UQCC1: variants seen among roughly 807,000 people sequenced by gnomAD.
UQCC1 encodes the protein bFGF-repressed Zic-binding protein.
UQCC1 carries 38 observed loss-of-function variants against 48.0 expected under a neutral mutation model. The ratio of observed to expected loss-of-function variants is 0.79; its 90% CI spans 0.61 to 1.04. The LOEUF (loss-of-function observed/expected upper bound fraction) is 1.04. UQCC1 is among the 50% of genes least tolerant of loss of function. The pLI is 0.00. For missense variants in UQCC1, 368 were observed against 381.8 expected (o/e 0.96, Z 0.30); for synonymous variants, 111 against 129.2 (o/e 0.86, Z 0.95).
chr20:35,385,539 T>C (rs1653039806), intron 2 of UQCC1, among the ~76,000 whole-genome samples: 1 of 152,196 alleles, frequency 6.6e-6, no homozygotes. Flanking sequence ...TCTGGCTCTA[T>C]GGCCCAGGCT....
At chr20:35,392,203 T>G (rs1302526972) in intron 2 of UQCC1, 1 of 1,298,446 alleles carries the variant, frequency 7.7e-7, no homozygotes, top group Non-Finnish European at 1.0e-6. Flanking sequence ...TTTCTCATTC[T>G]GAGCCAAATC....
chr20:35,378,789 G>A (rs1409160232), intron 4 of UQCC1, among the ~76,000 whole-genome samples: 1 of 152,106 alleles, frequency 6.6e-6, no homozygotes, highest in Non-Finnish European at 1.5e-5. Context: ...CCCACCTGAG[G>A]ACAATTCTTG....
intron 1 of UQCC1, among the ~76,000 whole-genome samples, chr20:35,409,828 CAG>C (rs1457607615): frequency 1.3e-5 from 2 of 150,784 alleles, no homozygotes; most frequent in Non-Finnish European, 3.0e-5. Context: ...TTTTTTCAGA[CAG>C]AGTTTCACTC....
chr20:35,319,714 C>T (rs1600865908), intron 7 of UQCC1, among the ~76,000 whole-genome samples: 1 of 152,074 alleles, frequency 6.6e-6, no homozygotes, highest in Non-Finnish European at 1.5e-5. Flanking sequence ...ATGAGACAAC[C>T]AACAGAGAAC....
intron 7 of UQCC1, among the ~76,000 whole-genome samples, chr20:35,326,268 C>T (rs114649745): frequency 0.013 from 1,963 of 152,212 alleles, 34 homozygotes; most frequent in African/African-American, 0.045. Flanking sequence ...AAGGGGAGGC[C>T]ATGACTTGCA....
chr20:35,312,038 A>G (rs759343953), intron 8 of UQCC1, among the ~76,000 whole-genome samples: 14 of 152,110 alleles, frequency 9.2e-5, no homozygotes, highest in African/African-American at 2.7e-4. Flanking sequence ...AACAAACACA[A>G]TTCGGTACAT....
At chr20:35,337,715 G>C (rs1019593600) in intron 7 of UQCC1, among the ~76,000 whole-genome samples, 1 of 152,148 alleles carries the variant, frequency 6.6e-6, no homozygotes, top group African/African-American at 2.4e-5. Context: ...GGAGGCCTTG[G>C]AGGCTGAGTA....
intron 7 of UQCC1, chr20:35,344,388 C>G (rs1046137021): frequency 6.6e-6 from 1 of 152,360 alleles, no homozygotes; most frequent in African/African-American, 2.4e-5. Flanking sequence ...GCTCATTAAG[C>G]TATTCAGGAT....
In UQCC1 at chr20:35,394,216, A is replaced by G; in HGVS notation, c.25-20T>C. 1 of 1,594,402 alleles carries G rather than the reference A, an allele frequency of 6.3e-7. No individual in the cohort carries two copies. The highest frequency in any genetic ancestry group is 1.3e-5 in the African/African-American group (1 of 74,526). ...GTTCCTCTAAAGAAAGAAAATAATAATCTGTCAGGAATCTAAATCATACTC... is the reference window on the plus strand; with the variant it reads ...GTTCCTCTAAAGAAAGAAAATAATAGTCTGTCAGGAATCTAAATCATACTC... On this transcript the variant is annotated intron_variant, in intron 1 of 9. Coordinates refer to ENST00000374385, the MANE Select transcript of UQCC1 (RefSeq NM_018244.5).
chr20:35,303,626 GA>G lies in UQCC1; in HGVS notation c.*308del. 1 of 337,602 alleles carries G rather than the reference GA, an allele frequency of 3.0e-6. No homozygotes were observed. The highest frequency in any genetic ancestry group is 5.6e-6 in the Non-Finnish European group (1 of 178,532). 20.9% of individuals were successfully genotyped at this position (337,602 alleles called of 1,614,324 possible). A position where few individuals can be genotyped will look rare whatever the true frequency, so the allele number is the denominator to read the frequency against. On this transcript the variant is annotated 3_prime_UTR_variant, in exon 10 of 10. Transcript: ENST00000374385. Reference sequence around the variant, plus strand: ...ACACCATCCCTTCCTTGGCCTTTGGGAAAAGCTATCAGTCACATGTAGTTGC... The same window carrying G: ...ACACCATCCCTTCCTTGGCCTTTGGGAAAGCTATCAGTCACATGTAGTTGC...
intron 6 of UQCC1, among the ~76,000 whole-genome samples, chr20:35,365,304 C>T (rs761341094): frequency 6.6e-6 from 1 of 152,276 alleles, no homozygotes; most frequent in Non-Finnish European, 1.5e-5. Context: ...GAACTATTCC[C>T]TAGTTCCCAC....
intron 6 of UQCC1, among the ~76,000 whole-genome samples, chr20:35,356,562 C>T (rs1455797398): frequency 6.9e-6 from 1 of 145,060 alleles, no homozygotes; most frequent in Admixed American, 6.6e-5. Flanking sequence ...CTAATTTTTA[C>T]AACAACTCCA....
At chr20:35,403,023 C>T (rs868232948) in intron 1 of UQCC1, among the ~76,000 whole-genome samples, 47 of 151,186 alleles carry the variant, frequency 3.1e-4, no homozygotes, top group African/African-American at 1.1e-3. Flanking sequence ...CCTGAGATCG[C>T]GCCATTGCAC....
intron 8 of UQCC1, among the ~76,000 whole-genome samples, chr20:35,310,644 CAAAAAA>C (rs1199768843): frequency 2.3e-5 from 1 of 44,150 alleles, no homozygotes; most frequent in Non-Finnish European, 4.0e-5. Context: ...GACTCTGTCT[CAAAAAA>C]AAAAAAAAAA....
chr20:35,385,507 GTTTTTGTT>G (rs1323673050), intron 2 of UQCC1, among the ~76,000 whole-genome samples: 1 of 152,020 alleles, frequency 6.6e-6, no homozygotes, highest in Non-Finnish European at 1.5e-5. Context: ...TTGTTGTTTT[GTTTTTGTT>G]TTTTGAGACA....
At chr20:35,318,004 G>C (rs1456422666) in intron 7 of UQCC1, among the ~76,000 whole-genome samples, 2 of 152,160 alleles carry the variant, frequency 1.3e-5, no homozygotes, top group African/African-American at 4.8e-5. Context: ...CTACAACTCA[G>C]ACCTCCTGAT....
chr20:35,376,606 C>T (rs1046234036), intron 4 of UQCC1, among the ~76,000 whole-genome samples: 2 of 151,698 alleles, frequency 1.3e-5, no homozygotes, highest in African/African-American at 4.9e-5. Context: ...TTAAAAACCT[C>T]CCCACAATGC....
intron 8 of UQCC1, 102 bp from the exon 9 acceptor site, chr20:35,306,881 A>C: frequency 2.2e-6 from 2 of 910,028 alleles, no homozygotes; most frequent in African/African-American, 1.6e-5. Flanking sequence ...GAATCAGCTC[A>C]GAAGGGCCCT....
intron 5 of UQCC1, among the ~76,000 whole-genome samples, chr20:35,368,496 T>G (rs1423869510): frequency 6.6e-6 from 1 of 152,166 alleles, no homozygotes; most frequent in Non-Finnish European, 1.5e-5. Flanking sequence ...AAACACTGTG[T>G]TCTTAATCCT....
Sources: gnomAD v4.1 joint callset for allele counts (sites outside exome capture counted in the v4.1 genomes callset) on GRCh38, gnomAD v4.1.1 for gene constraint, MANE v1.5 for transcripts, NCBI Gene and HGNC (gene_info 2026-07-23, HGNC 2026-07-21) for gene names.